Variants in CNKSR3 observed in about 807,000 individuals in gnomAD.
CNKSR3 encodes connector enhancer of kinase suppressor of ras 3.
In CNKSR3, 36 loss-of-function variants were observed where a neutral mutation model predicts 67.7. That is an observed-to-expected ratio of 0.53 (90% confidence interval 0.41 to 0.70). The LOEUF (loss-of-function observed/expected upper bound fraction) is 0.70, where lower values mean the gene tolerates loss of function less well. Ranked by LOEUF, CNKSR3 falls within the 30% of genes least tolerant of loss-of-function variation. The pLI, the probability that CNKSR3 is intolerant of heterozygous loss-of-function variation, is 0.00. For missense variants in CNKSR3, 630 were observed against 695.2 expected, an observed-to-expected ratio of 0.91 and a Z score of 1.05; for synonymous variants, 281 against 271.4, an observed-to-expected ratio of 1.04 and a Z score of -0.35.
intron 1 of CNKSR3, among the ~76,000 whole-genome samples, chr6:154,480,077 C>T (rs114764916): frequency 0.011 from 1,741 of 152,232 alleles, 34 homozygotes; most frequent in African/African-American, 0.04. Context: ...CTGTCAGGAA[C>T]GGAAAGTTAT....
At chr6:154,443,509 C>T (rs1785646270) in intron 2 of CNKSR3, among the ~76,000 whole-genome samples, 1 of 151,820 alleles carries the variant, frequency 6.6e-6, no homozygotes, top group African/African-American at 2.4e-5. Context: ...CCATCTGAAG[C>T]ACCGTGTTTG....
At chr6:154,435,212 A>C (rs115767499) in intron 4 of CNKSR3, among the ~76,000 whole-genome samples, 1 of 151,788 alleles carries the variant, frequency 6.6e-6, no homozygotes, top group African/African-American at 2.4e-5. Flanking sequence ...CCCAGGCTGA[A>C]CTTGAATTCT....
chr6:154,488,772 T>C (rs980034823), intron 1 of CNKSR3, among the ~76,000 whole-genome samples: 1 of 152,216 alleles, frequency 6.6e-6, no homozygotes, highest in African/African-American at 2.4e-5. Flanking sequence ...TCAGAAATCA[T>C]GACTGGGGTC....
At chr6:154,422,755 T>A in intron 8 of CNKSR3, 103 bp from the exon 9 acceptor site, 1 of 1,347,414 alleles carries the variant, frequency 7.4e-7, no homozygotes, top group East Asian at 2.3e-5. Flanking sequence ...AGCAGATACA[T>A]AGAAACAAAA....
At chr6:154,493,948 C>T (rs1024056812) in intron 1 of CNKSR3, among the ~76,000 whole-genome samples, 1 of 152,116 alleles carries the variant, frequency 6.6e-6, no homozygotes, top group African/African-American at 2.4e-5. Context: ...AGCCAAACCA[C>T]ATCACACCCC....
Position 154,402,979 on chromosome 6 carries a change from C to T in CNKSR3, c.*3375G>A, listed in dbSNP as rs1027413983. On this transcript the variant is annotated 3_prime_UTR_variant, in exon 13 of 13. Coordinates refer to ENST00000607772, the MANE Select transcript of CNKSR3 (RefSeq NM_173515.4). ...AATATCTTATCTGTTTCAGTTAGAA[C>T]GTCACTGATGGGTATGTTTTAGAGG... 2 of 152,140 alleles carry T rather than the reference C, an allele frequency of 1.3e-5. No individual in the cohort carries two copies. The highest frequency in any genetic ancestry group is 2.9e-5 in the Non-Finnish European group (2 of 68,008). 9.4% of individuals were successfully genotyped at this position (152,140 alleles called of 1,614,324 possible).
chr6:154,441,009 C>T (rs975560570), intron 4 of CNKSR3, among the ~76,000 whole-genome samples: 1 of 151,890 alleles, frequency 6.6e-6, no homozygotes, highest in Non-Finnish European at 1.5e-5. Flanking sequence ...AAATTAAGTG[C>T]TCTAACATTT....
chr6:154,446,163 C>T (rs1005733735), intron 2 of CNKSR3, among the ~76,000 whole-genome samples: 3 of 152,094 alleles, frequency 2.0e-5, no homozygotes, highest in African/African-American at 4.8e-5. Flanking sequence ...ATCTCACTTC[C>T]TAGGGTTCAC....
intron 2 of CNKSR3, among the ~76,000 whole-genome samples, chr6:154,447,128 T>TAAGGATAAGTC (rs1316890822): frequency 2.0e-5 from 3 of 152,126 alleles, no homozygotes. Context: ...GCCACAGTCA[T>TAAGGATAAGTC]ACTTATCCTT....
intron 1 of CNKSR3, among the ~76,000 whole-genome samples, chr6:154,468,080 CT>C (rs71021055): frequency 6.0e-4 from 65 of 107,456 alleles, no homozygotes; most frequent in African/African-American, 6.6e-4. Context: ...TCTTTTTTTT[CT>C]TTTTTTTTTT....
chr6:154,401,592 G>A lies in CNKSR3; in HGVS notation c.*4762C>T, dbSNP rs3734275. 56,103 of 152,088 alleles carry A rather than the reference G, an allele frequency of 0.37. 10,862 individuals are homozygous for A. The highest frequency in any genetic ancestry group is 0.54 in the East Asian group (2,793 of 5,180). 9.4% of individuals were successfully genotyped at this position (152,088 alleles called of 1,614,324 possible). A position where few individuals can be genotyped will look rare whatever the true frequency, so the allele number is the denominator to read the frequency against. ...CAAGTATCACTGGCCAAGCCAATGA[G>A]CAGTCATACCAAAAGTAGTTTACTT... On this transcript the variant is annotated 3_prime_UTR_variant, in exon 13 of 13. Transcript: ENST00000607772.
At chr6:154,415,422 C>T (rs966162966) in intron 9 of CNKSR3, among the ~76,000 whole-genome samples, 9 of 151,628 alleles carry the variant, frequency 5.9e-5, no homozygotes, top group African/African-American at 1.5e-4. Context: ...GTAGAGATGG[C>T]GTTTTGCCAT....
chr6:154,433,640 G>A, intron 4 of CNKSR3, 133 bp from the exon 5 acceptor site: 1 of 666,554 alleles, frequency 1.5e-6, no homozygotes, highest in Non-Finnish European at 2.7e-6. Context: ...GCACAGTCCT[G>A]CAGGACTGGG....
intron 1 of CNKSR3, among the ~76,000 whole-genome samples, chr6:154,467,546 A>G (rs916617831): frequency 2.0e-4 from 31 of 152,350 alleles, no homozygotes; most frequent in African/African-American, 7.2e-4. Context: ...AGCAAGAAGC[A>G]TAGGTCATAT....
chr6:154,488,300 CCA>C (rs1786719155), intron 1 of CNKSR3, among the ~76,000 whole-genome samples: 1 of 152,196 alleles, frequency 6.6e-6, no homozygotes, highest in Admixed American at 6.5e-5. Context: ...AGGAAGTCTA[CCA>C]CAGTTTCATT....
Position 154,415,958 on chromosome 6 carries a change from T to C in CNKSR3, c.946-1535A>G, listed in dbSNP as rs536752715. Among the ~76,000 whole-genome samples, 5 of 152,284 alleles carry C rather than the reference T, an allele frequency of 3.3e-5. No homozygotes were observed. In the East Asian group the frequency reaches 9.7e-4, roughly 29 times the overall value. On this transcript the variant is annotated intron_variant, in intron 9 of 12. Coordinates refer to ENST00000607772, the MANE Select transcript of CNKSR3 (RefSeq NM_173515.4). ...AATATTTGGTGAAGGCCAGTGAGAC[T>C]GTGCCAAGCCCTGGGCAGACATAAA...
chr6:154,468,436 T>C (rs1240777866), intron 1 of CNKSR3, among the ~76,000 whole-genome samples: 1 of 117,298 alleles, frequency 8.5e-6, no homozygotes. Context: ...ACACACACCA[T>C]GACCATCTAA....
rs573865270 is a variant in CNKSR3, at chr6:154,429,031, T to G, written c.670-844A>C. On this transcript the variant is annotated intron_variant, in intron 6 of 12. Transcript: ENST00000607772. ...AGGGAAATGTAAAGATGAATGAATA[T>G]TCTCTCTCCTCAGAGGCCTGAGAGG... Among the ~76,000 whole-genome samples, 162 of 152,310 alleles carry G rather than the reference T, an allele frequency of 1.1e-3. 1 individual carries two copies. Among genetic ancestry groups the G allele is most frequent in the Non-Finnish European group, 1.7e-3 (115 of 68,030 alleles).
At position 154,406,354 on chromosome 6, in the gene CNKSR3, T is replaced by A. The variant is rs758908213; in HGVS notation, c.1668A>T (p.Ter556CysextTer42). The change falls in exon 13 of 13, where the codon TGA becomes TGT. Residue 556 changes from the stop codon to cysteine, a stop_lost. Transcript: ENST00000607772. Reference sequence around the variant, plus strand: ...GCAGGTGGCCTGAGCAGGGTCCCTCTCAGTGAGTCAACAGTTTGAGGCGCG... The same window carrying A: ...GCAGGTGGCCTGAGCAGGGTCCCTCACAGTGAGTCAACAGTTTGAGGCGCG... ...WFTRLKLLTH[*>C] is the part of the protein sequence containing the mutation. The A allele has an allele frequency of 1.2e-6, 2 of 1,609,762 alleles. No individual in the cohort carries two copies.
Sources: gnomAD v4.1 joint callset for allele counts (sites outside exome capture counted in the v4.1 genomes callset) on GRCh38, gnomAD v4.1.1 for gene constraint, MANE v1.5 for transcripts, NCBI Gene and HGNC (gene_info 2026-07-23, HGNC 2026-07-21) for gene names.